The following TOGARAM2 variants were observed in gnomAD, a reference collection of about 807,000 sequenced individuals.
The protein encoded by TOGARAM2 is TOG array regulator of axonemal microtubules 2.
In TOGARAM2, 85 loss-of-function variants were observed where a neutral mutation model predicts 93.3. The observed-to-expected ratio is 0.91, with a 90% CI of 0.76 to 1.09. The LOEUF (loss-of-function observed/expected upper bound fraction) is 1.09, where lower values mean the gene tolerates loss of function less well. Among genes scored for constraint, TOGARAM2 ranks in the 50% least tolerant of loss-of-function variants. The pLI, the probability that TOGARAM2 is intolerant of heterozygous loss-of-function variation, is 0.00. For missense variants in TOGARAM2, 1,277 were observed against 1,334.5 expected (o/e 0.96, Z 0.67); for synonymous variants, 593 against 552.8 (o/e 1.07, Z -1.02).
intron 1 of TOGARAM2, among the ~76,000 whole-genome samples, chr2:28,963,018 G>A (rs1255604171): frequency 6.6e-6 from 1 of 151,364 alleles, no homozygotes; most frequent in Non-Finnish European, 1.5e-5. Flanking sequence ...TGTAGAGTTG[G>A]GGTCTCCCTA....
rs1472877029 is a variant in TOGARAM2 at position 29,022,161 on chromosome 2, A to G, written c.1364A>G (p.Asn455Ser). ...TGTTTCTTTCTTGTGAATGCAGCTA[A>G]CTCATTACCTGCGGTGCTCACGTTG... ...EPRFARHASA[N>S]SLPAVLTLGS... The change falls in exon 11 of 20, where the codon AAC becomes AGC. Residue 455 changes from asparagine (N) to serine (S), a missense_variant. Physicochemically the swap from Asn to Ser is conservative, Grantham distance 46 (BLOSUM62 1). Coordinates refer to ENST00000379558, the MANE Select transcript of TOGARAM2 (RefSeq NM_199280.4). 6.2e-7 allele frequency: 1 copy of G among 1,614,006 alleles called. No individual in the cohort carries two copies. Among genetic ancestry groups the G allele is most frequent in the Middle Eastern group, 1.7e-4 (1 of 6,060 alleles).
chr2:29,004,483 T>C (rs1673503064), intron 6 of TOGARAM2, among the ~76,000 whole-genome samples: 1 of 152,118 alleles, frequency 6.6e-6, no homozygotes, highest in African/African-American at 2.4e-5. Context: ...ATAAATCGGG[T>C]TATGGCTTGT....
intron 2 of TOGARAM2, among the ~76,000 whole-genome samples, chr2:28,996,545 G>A (rs1672996906): frequency 6.6e-6 from 1 of 152,044 alleles, no homozygotes; most frequent in Non-Finnish European, 1.5e-5. Flanking sequence ...TGCCAGGCTG[G>A]GAGTGGTGGC....
intron 1 of TOGARAM2, among the ~76,000 whole-genome samples, chr2:28,983,198 A>ATTTTTTTTTT (rs57949744): frequency 1.8e-5 from 1 of 56,622 alleles, no homozygotes; most frequent in African/African-American, 8.3e-5. Flanking sequence ...ATATATATAT[A>ATTTTTTTTTT]TTTTTTTTTT....
At chr2:29,026,461 A>C (rs895613991) in intron 13 of TOGARAM2, among the ~76,000 whole-genome samples, 1 of 152,098 alleles carries the variant, frequency 6.6e-6, no homozygotes, top group African/African-American at 2.4e-5. Flanking sequence ...TGGGATGTCT[A>C]ATTCTGCCTG....
At chr2:29,023,007 T>C (rs1665062752) in intron 11 of TOGARAM2, 79 bp from the exon 12 acceptor site, 2 of 1,265,350 alleles carry the variant, frequency 1.6e-6, no homozygotes, top group African/African-American at 3.0e-5. Context: ...TGGTGTGTGA[T>C]GTGGGGCCCC....
intron 7 of TOGARAM2, among the ~76,000 whole-genome samples, chr2:29,012,913 C>T (rs914911123): frequency 1.3e-5 from 2 of 152,218 alleles, no homozygotes; most frequent in Non-Finnish European, 2.9e-5. Context: ...GGCTTCAAAG[C>T]CCCTCTTCCC....
rs568301937 is a variant in TOGARAM2 at position 28,975,389 on chromosome 2, T to C, written c.-147+18692T>C. On this transcript the variant is annotated intron_variant, in intron 1 of 6. Coordinates refer to the TOGARAM2 transcript ENST00000401723. The stretch of plus-strand genomic sequence containing the variant: ...GTTTTTAGTAGAGACGGGGTTTCAC[T>C]GTGTTTGCCAGGATGGTCTCGATCT... 3.9e-5 allele frequency among the ~76,000 whole-genome samples: 6 copies of C among 152,066 alleles called. No individual in the cohort carries two copies. The South Asian group carries it at 1.2e-3, about 32-fold the overall frequency.
chr2:28,997,005 A>G (rs1333556982), intron 2 of TOGARAM2, among the ~76,000 whole-genome samples: 1 of 152,144 alleles, frequency 6.6e-6, no homozygotes, highest in African/African-American at 2.4e-5. Flanking sequence ...TAATGTAATA[A>G]ACATGAGAGT....
chr2:29,027,983 A>G (rs1429741233), intron 14 of TOGARAM2, among the ~76,000 whole-genome samples: 1 of 152,036 alleles, frequency 6.6e-6, no homozygotes, highest in Non-Finnish European at 1.5e-5. Context: ...GGGATTTTGG[A>G]TGGTGTGTGA....
intron 1 of TOGARAM2, among the ~76,000 whole-genome samples, chr2:28,991,657 A>G (rs1672739291): frequency 6.6e-6 from 1 of 152,198 alleles, no homozygotes; most frequent in South Asian, 2.1e-4. Context: ...CCTTGGGAGC[A>G]GAGTGGGCGT....
At chr2:29,012,217 G>C (rs1413719064) in intron 7 of TOGARAM2, among the ~76,000 whole-genome samples, 1 of 152,208 alleles carries the variant, frequency 6.6e-6, no homozygotes, top group Non-Finnish European at 1.5e-5. Context: ...AGGCCAGGGT[G>C]GGGAGGAGTT....
intron 16 of TOGARAM2, among the ~76,000 whole-genome samples, chr2:29,035,127 G>A (rs1460490219): frequency 6.8e-6 from 1 of 146,132 alleles, no homozygotes; most frequent in Non-Finnish European, 1.5e-5. Context: ...TCTAGCCTGG[G>A]CAGCAAGAGC....
At chr2:29,035,178 CCAGT>C (rs1666011107) in intron 16 of TOGARAM2, among the ~76,000 whole-genome samples, 1 of 150,874 alleles carries the variant, frequency 6.6e-6, no homozygotes, top group Non-Finnish European at 1.5e-5. Context: ...AAAATGTGTA[CCAGT>C]CATTCTTTTG....
At chr2:29,017,056 G>C in intron 8 of TOGARAM2, 98 bp from the exon 9 acceptor site, 18 of 1,481,910 alleles carry the variant, frequency 1.2e-5, no homozygotes, top group Non-Finnish European at 1.7e-5. Flanking sequence ...TTCACTTCCA[G>C]GACAGCAATT....
At chr2:28,958,527 C>A (rs1034830064) in intron 1 of TOGARAM2, among the ~76,000 whole-genome samples, 1 of 152,050 alleles carries the variant, frequency 6.6e-6, no homozygotes, top group Non-Finnish European at 1.5e-5. Context: ...ATTTTGAACT[C>A]CTGGGCTTAA....
Position 29,017,163 on chromosome 2 carries a change from A to G in TOGARAM2, c.1054A>G (p.Thr352Ala), listed in dbSNP as rs1351684464. Residue 352 changes from threonine to alanine, a missense_variant, in exon 9 of 20, where the codon ACC becomes GCC. Coordinates refer to ENST00000379558, the MANE Select transcript of TOGARAM2 (RefSeq NM_199280.4). ...CTTGACCTTGTGCCAGATCCAAGTC[A>G]CCATCTCCAAGTCTGCCCGGGAGAA... ...QKEIGTKIQV[T>A]ISKSAREKMQ... 1.9e-6 allele frequency: 3 copies of G among 1,613,048 alleles called. No individual in the cohort carries two copies. Among genetic ancestry groups the G allele is most frequent in the Non-Finnish European group, 1.7e-6 (2 of 1,179,600 alleles).
intron 19 of TOGARAM2, chr2:29,049,808 C>T (rs1666964923): frequency 6.6e-6 from 1 of 152,168 alleles, no homozygotes; most frequent in Admixed American, 6.5e-5. Flanking sequence ...TCAGGACCAC[C>T]TTCACCTCTG....
At chr2:29,005,024 A>ATGTG (rs1558421395) in intron 6 of TOGARAM2, among the ~76,000 whole-genome samples, 1 of 23,188 alleles carries the variant, frequency 4.3e-5, no homozygotes. Flanking sequence ...GTGTGAGTGC[A>ATGTG]TGTATGTGAG....
Sources: gnomAD v4.1 joint callset for allele counts (sites outside exome capture counted in the v4.1 genomes callset) on GRCh38, gnomAD v4.1.1 for gene constraint, MANE v1.5 for transcripts, NCBI Gene and HGNC (gene_info 2026-07-23, HGNC 2026-07-21) for gene names.